The following DTWD2 variants were observed in gnomAD, a reference collection of about 807,000 sequenced individuals.
DTWD2 encodes DTW motif tRNA-uridine aminocarboxypropyltransferase 2, also known as tRNA-uridine aminocarboxypropyltransferase 2.
In DTWD2, 39 loss-of-function variants were observed where a neutral mutation model predicts 31.8. The observed-to-expected ratio is 1.22, with a 90% CI of 0.95 to 1.60. The LOEUF (loss-of-function observed/expected upper bound fraction) is 1.60, where lower values mean the gene tolerates loss of function less well. Ranked by LOEUF, DTWD2 falls within the 40% of genes most tolerant of loss-of-function variation. DTWD2 has a pLI of 0.00. For missense variants in DTWD2, 515 were observed against 381.5 expected (o/e 1.35, Z -2.92); for synonymous variants, 180 against 142.8 (o/e 1.26, Z -1.86).
chr5:118,929,909 G>C (rs1753885904), intron 3 of DTWD2, among the ~76,000 whole-genome samples: 1 of 152,136 alleles, frequency 6.6e-6, no homozygotes, highest in African/African-American at 2.4e-5. Context: ...GCTGCTATCG[G>C]TGCGGTTTCA....
chr5:118,929,406 C>G (rs1241240086), intron 3 of DTWD2, among the ~76,000 whole-genome samples: 1 of 152,144 alleles, frequency 6.6e-6, no homozygotes, highest in African/African-American at 2.4e-5. Context: ...AGTGTTCAAA[C>G]TGTGTTCAAA....
chr5:118,864,461 G>A (rs960932485), intron 4 of DTWD2, among the ~76,000 whole-genome samples: 3 of 149,988 alleles, frequency 2.0e-5, no homozygotes, highest in African/African-American at 4.9e-5. Context: ...CAGCACACCA[G>A]CATGGCACAT....
chr5:118,860,995 T>TC (rs1752247772), intron 4 of DTWD2, among the ~76,000 whole-genome samples: 1 of 152,196 alleles, frequency 6.6e-6, no homozygotes, highest in Non-Finnish European at 1.5e-5. Context: ...TCTCAATAGT[T>TC]AAGTCAGGAT....
intron 4 of DTWD2, among the ~76,000 whole-genome samples, chr5:118,911,893 T>C (rs1254570731): frequency 6.6e-6 from 1 of 152,218 alleles, no homozygotes; most frequent in Admixed American, 6.5e-5. Context: ...CTCAGGGGCA[T>C]ATGTGTGGGT....
intron 1 of DTWD2, among the ~76,000 whole-genome samples, chr5:118,957,423 T>G (rs762906462): frequency 6.6e-6 from 1 of 152,062 alleles, no homozygotes; most frequent in African/African-American, 2.4e-5. Flanking sequence ...GGTTTCACCA[T>G]GTTGGCAAGG....
intron 1 of DTWD2, among the ~76,000 whole-genome samples, chr5:118,954,324 T>C (rs189912830): frequency 2.4e-4 from 36 of 152,250 alleles, no homozygotes; most frequent in African/African-American, 8.4e-4. Context: ...ACTATCACTC[T>C]CTATCCCCTT....
At chr5:118,961,124 G>C (rs1013266625) in intron 1 of DTWD2, among the ~76,000 whole-genome samples, 1 of 152,002 alleles carries the variant, frequency 6.6e-6, no homozygotes, top group East Asian at 1.9e-4. Flanking sequence ...AAGCTTAAGA[G>C]AGGCCAGATG....
chr5:118,936,919 G>T (rs1754058416), intron 3 of DTWD2, among the ~76,000 whole-genome samples: 1 of 151,982 alleles, frequency 6.6e-6, no homozygotes, highest in Admixed American at 6.6e-5. Context: ...AGATTCTACA[G>T]ACATGAAAAT....
chr5:118,845,478 C>G (rs1302643390), intron 5 of DTWD2, among the ~76,000 whole-genome samples: 1 of 152,182 alleles, frequency 6.6e-6, no homozygotes, highest in East Asian at 1.9e-4. Context: ...TAAATTGTGG[C>G]TGGAAGCAAT....
chr5:118,841,188 T>A (rs1359205755), intron 5 of DTWD2, 101 bp from the exon 6 acceptor site: 1 of 1,353,206 alleles, frequency 7.4e-7, no homozygotes, highest in East Asian at 2.6e-5. Context: ...TTTCTTTTAT[T>A]ATGATTGGCT....
intron 1 of DTWD2, among the ~76,000 whole-genome samples, chr5:118,959,913 C>A (rs1754670013): frequency 6.6e-6 from 1 of 152,096 alleles, no homozygotes; most frequent in South Asian, 2.1e-4. Context: ...TGAAACTAGA[C>A]CTCTTCCTTA....
intron 4 of DTWD2, among the ~76,000 whole-genome samples, chr5:118,871,723 C>G (rs1752509407): frequency 1.3e-5 from 2 of 152,252 alleles, no homozygotes; most frequent in African/African-American, 4.8e-5. Context: ...AAAGCACAGA[C>G]AGAGTAGATT....
chr5:118,856,848 C>T (rs1468818523), intron 4 of DTWD2, among the ~76,000 whole-genome samples: 1 of 137,476 alleles, frequency 7.3e-6, no homozygotes, highest in East Asian at 2.4e-4. Context: ...TCTCAGCTCA[C>T]TGCAACCTCT....
intron 4 of DTWD2, among the ~76,000 whole-genome samples, chr5:118,905,061 G>A (rs1753296646): frequency 6.6e-6 from 1 of 152,100 alleles, no homozygotes; most frequent in Non-Finnish European, 1.5e-5. Context: ...TCAAAAGACA[G>A]AGCAACCTCT....
intron 1 of DTWD2, among the ~76,000 whole-genome samples, chr5:118,971,867 T>C (rs912715805): frequency 6.6e-6 from 1 of 152,126 alleles, no homozygotes; most frequent in African/African-American, 2.4e-5. Context: ...ACAACCTGAA[T>C]GACTCCTTGA....
rs370764262 is a variant in DTWD2 at position 118,974,596 on chromosome 5, G to A, written c.218+13698C>T. On this transcript the variant is annotated intron_variant, in intron 1 of 5. Transcript: ENST00000510708. ...GACAACAGAAAAACAATCTTATTCCGAGCATTCCAGTAACTTTTTTGTGTA... is the reference window on the plus strand; with the variant it reads ...GACAACAGAAAAACAATCTTATTCCAAGCATTCCAGTAACTTTTTTGTGTA... 226 of 505,816 alleles carry A rather than the reference G, an allele frequency of 4.5e-4. 2 individuals are homozygous for A. Among genetic ancestry groups the A allele is most frequent in the African/African-American group, 2.3e-3 (117 of 49,970 alleles). The allele number at this position is 505,816 out of a possible 1,614,324, so 31.3% of individuals were successfully genotyped here.
chr5:118,922,666 CA>C (rs957857673), intron 4 of DTWD2, among the ~76,000 whole-genome samples: 4 of 151,862 alleles, frequency 2.6e-5, no homozygotes, highest in African/African-American at 4.8e-5. Context: ...CTTGAGTAAA[CA>C]AAAAAATAAG....
chr5:118,984,976 C>T (rs1380609532), intron 1 of DTWD2, among the ~76,000 whole-genome samples: 3 of 152,046 alleles, frequency 2.0e-5, no homozygotes, highest in African/African-American at 7.2e-5. Flanking sequence ...AAGTCATGTA[C>T]AAAAGTCAAA....
At chr5:118,887,423 G>A (rs1313132536) in intron 4 of DTWD2, among the ~76,000 whole-genome samples, 1 of 117,450 alleles carries the variant, frequency 8.5e-6, no homozygotes, top group African/African-American at 3.3e-5. Context: ...AATAAAGACT[G>A]TGTACATGTC....
Sources: allele counts gnomAD v4.1 joint callset (sites outside exome capture counted in the v4.1 genomes callset), GRCh38; gene constraint gnomAD v4.1.1; transcripts MANE v1.5; gene names NCBI Gene and HGNC (gene_info 2026-07-23, HGNC 2026-07-21).